The following CENPS variants were observed in gnomAD, a reference collection of about 807,000 sequenced individuals.
CENPS encodes centromere protein S, also known as FANCM associated histone fold protein 1.
A neutral mutation model predicts 17.9 loss-of-function variants in CENPS; 16 were observed. That is an observed-to-expected ratio of 0.90 (90% CI 0.61 to 1.36). The LOEUF (loss-of-function observed/expected upper bound fraction) is 1.36. CENPS is among the 40% of genes most tolerant of loss of function. The probability of loss-of-function intolerance (pLI) is 0.00; values close to 1 mark genes in which losing one functional copy is unlikely to be tolerated. For missense variants in CENPS, 160 were observed against 158.6 expected, an observed-to-expected ratio of 1.01 and a Z score of -0.05; for synonymous variants, 49 against 55.8, an observed-to-expected ratio of 0.88 and a Z score of 0.54.
chr1:10,431,160 C>T (rs1639894702), intron 1 of CENPS: 7 of 1,449,930 alleles, frequency 4.8e-6, no homozygotes, highest in African/African-American at 1.4e-5. Flanking sequence ...TAGCTGCGGG[C>T]ATCCCATTCG....
At chr1:10,440,238 C>T in intron 3 of CENPS, 109 bp from the exon 4 acceptor site, 1 of 1,398,120 alleles carries the variant, frequency 7.2e-7, no homozygotes, top group African/African-American at 1.4e-5. Flanking sequence ...AAAGGATGGG[C>T]TACTTAGAGA....
At position 10,442,272 on chromosome 1, in the gene CENPS, A is replaced by G; in HGVS notation, c.284A>G (p.Tyr95Cys). 2 of 1,589,288 alleles carry G rather than the reference A, an allele frequency of 1.3e-6. No homozygotes were observed. The highest frequency in any genetic ancestry group is 1.7e-6 in the Non-Finnish European group (2 of 1,173,850). ...CAGATTTTTTTTTTATAGCTAAAATACATCACAGACAAAAGTGAAGAGATT... is the reference window on the plus strand; with the variant it reads ...CAGATTTTTTTTTTATAGCTAAAATGCATCACAGACAAAAGTGAAGAGATT... ...LARRSNSLLK[Y>C]ITDKSEEIAQ... The change falls in exon 5 of 5, where the codon TAC becomes TGC. Residue 95 changes from tyrosine (Y) to cysteine (C), a missense_variant. Coordinates refer to ENST00000309048, the MANE Select transcript of CENPS (RefSeq NM_199294.3).
intron 1 of CENPS, among the ~76,000 whole-genome samples, chr1:10,433,110 C>G (rs748494259): frequency 6.6e-6 from 1 of 152,130 alleles, no homozygotes; most frequent in Non-Finnish European, 1.5e-5. Context: ...TCTTCGGCCC[C>G]GAGGCGGAGT....
At chr1:10,431,081 C>G in intron 1 of CENPS, 1 of 1,379,626 alleles carries the variant, frequency 7.2e-7, no homozygotes, top group Non-Finnish European at 9.4e-7. Flanking sequence ...AACTTGTGAT[C>G]GTATCGACTC....
At chr1:10,434,028 C>T in intron 2 of CENPS, 63 bp downstream of exon 2, 1 of 1,607,164 alleles carries the variant, frequency 6.2e-7, no homozygotes, top group East Asian at 2.2e-5. Flanking sequence ...CACCTGGGAG[C>T]AGTGCGTGGG....
At chr1:10,433,012 C>G (rs1263403626) in intron 1 of CENPS, among the ~76,000 whole-genome samples, 1 of 152,148 alleles carries the variant, frequency 6.6e-6, no homozygotes, top group Non-Finnish European at 1.5e-5. Flanking sequence ...TTTGGCAGTT[C>G]CTCCTCCTCT....
At chr1:10,434,389 T>C (rs1640056274) in intron 2 of CENPS, among the ~76,000 whole-genome samples, 1 of 152,180 alleles carries the variant, frequency 6.6e-6, no homozygotes, top group Non-Finnish European at 1.5e-5. Context: ...GGATAGTTTC[T>C]AGAAACCAAA....
intron 4 of CENPS, among the ~76,000 whole-genome samples, chr1:10,441,826 C>T (rs982902162): frequency 2.7e-4 from 41 of 150,990 alleles, no homozygotes; most frequent in Admixed American, 7.9e-4. Context: ...GGGGTTTCAC[C>T]GTGTTAGCCA....
chr1:10,437,758 A>ATTTTTTTTTTT, intron 3 of CENPS, among the ~76,000 whole-genome samples: 1 of 123,194 alleles, frequency 8.1e-6, no homozygotes. Flanking sequence ...TGCCTGGCCA[A>ATTTTTTTTTTT]TTTTTTTTTT....
chr1:10,430,476 C>G lies in CENPS; in HGVS notation c.-42C>G, dbSNP rs1349354752. ...CCGACCTGGCCGCGCACCACCGCCC[C>G]TTCTCGGCCCTCCTGCGTTTGCCCA... On this transcript the variant is annotated 5_prime_UTR_variant, in exon 1 of 5. Transcript: ENST00000309048. 9 of 1,531,990 alleles carry G rather than the reference C, an allele frequency of 5.9e-6. No individual in the cohort carries two copies. Among genetic ancestry groups the G allele is most frequent in the Admixed American group, 4.0e-5 (2 of 49,624 alleles). The allele number at this position is 1,531,990 out of a possible 1,614,324, so 94.9% of individuals were successfully genotyped here.
Sources: allele counts gnomAD v4.1 joint callset (sites outside exome capture counted in the v4.1 genomes callset), GRCh38; gene constraint gnomAD v4.1.1; transcripts MANE v1.5; gene names NCBI Gene and HGNC (gene_info 2026-07-23, HGNC 2026-07-21).